Variants in TRAPPC8 observed in about 807,000 individuals in gnomAD.
The protein encoded by TRAPPC8 is general sporulation gene 1 homolog.
In TRAPPC8, 54 loss-of-function variants were observed where a neutral mutation model predicts 174.3. That is an observed-to-expected ratio of 0.31 (90% CI 0.25 to 0.39). The LOEUF is 0.39. Among genes scored for constraint, TRAPPC8 ranks in the 10% least tolerant of loss-of-function variants. TRAPPC8 has a pLI of 1.00. For missense variants in TRAPPC8, 1,531 were observed against 1,699.1 expected (o/e 0.90, Z 1.74); for synonymous variants, 630 against 579.9 (o/e 1.09, Z -1.24).
At chr18:31,940,017 G>C (rs907475060) in intron 1 of TRAPPC8, among the ~76,000 whole-genome samples, 2 of 152,168 alleles carry the variant, frequency 1.3e-5, no homozygotes, top group Non-Finnish European at 2.9e-5. Flanking sequence ...CTGAGTACTT[G>C]AAATGTGACT....
At chr18:31,859,545 T>C (rs200729481) in intron 19 of TRAPPC8, among the ~76,000 whole-genome samples, 2 of 86,224 alleles carry the variant, frequency 2.3e-5, no homozygotes, top group African/African-American at 7.3e-5. Flanking sequence ...AAAAGTGAAA[T>C]AGAGTATTCA....
At chr18:31,870,186 C>G in intron 16 of TRAPPC8, 186 bp downstream of exon 16, 1 of 439,018 alleles carries the variant, frequency 2.3e-6, no homozygotes, top group Non-Finnish European at 4.0e-6. Context: ...GATGGTTTCA[C>G]TTCTATTCCT....
intron 5 of TRAPPC8, among the ~76,000 whole-genome samples, chr18:31,912,643 A>G (rs1402153198): frequency 6.6e-6 from 1 of 152,258 alleles, no homozygotes; most frequent in Admixed American, 6.5e-5. Context: ...CCTTGGCGAC[A>G]GAGCAACACT....
chr18:31,892,242 G>A (rs940784486), intron 11 of TRAPPC8, among the ~76,000 whole-genome samples: 2 of 151,996 alleles, frequency 1.3e-5, no homozygotes, highest in Non-Finnish European at 2.9e-5. Flanking sequence ...TAATAGTGTT[G>A]TGTCATGTCA....
At chr18:31,903,858 CA>C (rs35072678) in intron 9 of TRAPPC8, among the ~76,000 whole-genome samples, 14 of 143,410 alleles carry the variant, frequency 9.8e-5, no homozygotes, top group Admixed American at 1.4e-4. Context: ...AGATCTGTAT[CA>C]AAAAAAAAAA....
At chr18:31,930,855 C>A (rs2037816537) in intron 2 of TRAPPC8, among the ~76,000 whole-genome samples, 1 of 151,796 alleles carries the variant, frequency 6.6e-6, no homozygotes, top group Non-Finnish European at 1.5e-5. Flanking sequence ...AATGAGACCC[C>A]CTATCTCTAT....
Position 31,890,762 on chromosome 18 carries a change from T to G in TRAPPC8, c.1701A>C (p.Ala567=). The change falls in exon 12 of 29, where the codon GCA becomes GCC. Residue 567 remains alanine, a synonymous_variant. Coordinates refer to ENST00000283351, the MANE Select transcript of TRAPPC8 (RefSeq NM_014939.5). ...GCCCTGCTTTACTAAATCGATGGCC[T>G]GCCAATATCATATGAAATGCATATT... The part of the protein sequence containing the change: ...VRKYAFHMIL[A]GHRFSKAGQK... 6.2e-7 allele frequency: 1 copy of G among 1,611,810 alleles called. No individual in the cohort carries two copies. The highest frequency in any genetic ancestry group is 8.5e-7 in the Non-Finnish European group (1 of 1,178,726).
intron 1 of TRAPPC8, among the ~76,000 whole-genome samples, chr18:31,942,322 T>C (rs1170241715): frequency 2.0e-5 from 3 of 152,206 alleles, no homozygotes; most frequent in Admixed American, 2.0e-4. Flanking sequence ...CTCAATGCCG[T>C]TCTCGAAGAC....
chr18:31,849,601 T>C lies in TRAPPC8; in HGVS notation c.3700A>G (p.Ser1234Gly), dbSNP rs764212431. The change falls in exon 25 of 29, where the codon AGT becomes GGT. Residue 1234 changes from serine (S) to glycine (G), a missense_variant. Ser to Gly is a moderately conservative substitution (Grantham distance 56). Coordinates refer to ENST00000283351, the MANE Select transcript of TRAPPC8 (RefSeq NM_014939.5). ...EDAVRLIQKCSEVDLNIVILW... is the reference protein window; with the variant it reads ...EDAVRLIQKCGEVDLNIVILW... ...ATGACAATATTCAAATCTACCTCACTGCATTTTTGAATCAATCTCACAGCA... is the reference window on the plus strand; with the variant it reads ...ATGACAATATTCAAATCTACCTCACCGCATTTTTGAATCAATCTCACAGCA... 4 of 1,611,324 alleles carry C rather than the reference T, an allele frequency of 2.5e-6. No homozygotes were observed. Among genetic ancestry groups the C allele is most frequent in the Non-Finnish European group, 3.4e-6 (4 of 1,179,110 alleles).
chr18:31,940,914 G>C (rs952471673), intron 1 of TRAPPC8, among the ~76,000 whole-genome samples: 22 of 98,792 alleles, frequency 2.2e-4, no homozygotes, highest in Admixed American at 6.4e-4. Flanking sequence ...AGAACACAAT[G>C]TCTTGAGTCA....
chr18:31,885,962 C>T (rs976676868), intron 12 of TRAPPC8, among the ~76,000 whole-genome samples: 27 of 151,652 alleles, frequency 1.8e-4, no homozygotes, highest in African/African-American at 5.6e-4. Context: ...AATTTCTGAA[C>T]GGCGCTTGCA....
At chr18:31,866,197 C>T (rs749108315) in intron 18 of TRAPPC8, among the ~76,000 whole-genome samples, 2 of 152,060 alleles carry the variant, frequency 1.3e-5, no homozygotes, top group Non-Finnish European at 2.9e-5. Context: ...TCATGGTAAA[C>T]TCCCTCTCCT....
chr18:31,874,453 T>A, intron 13 of TRAPPC8, 27 bp downstream of exon 13: 2 of 1,581,328 alleles, frequency 1.3e-6, no homozygotes, highest in South Asian at 2.2e-5. Flanking sequence ...TTTTAATATC[T>A]ATTCCTGAAT....
chr18:31,836,316 A>G (rs1489060503), intron 27 of TRAPPC8, among the ~76,000 whole-genome samples: 1 of 152,112 alleles, frequency 6.6e-6, no homozygotes, highest in Non-Finnish European at 1.5e-5. Flanking sequence ...CAGAGTTTTG[A>G]TTTTGGAATG....
chr18:31,869,689 T>TA (rs2034747307), intron 16 of TRAPPC8, among the ~76,000 whole-genome samples: 1 of 152,144 alleles, frequency 6.6e-6, no homozygotes, highest in African/African-American at 2.4e-5. Context: ...AATAAAATAT[T>TA]AAGACACTTT....
chr18:31,874,018 T>C (rs1025933198), intron 13 of TRAPPC8: 6 of 183,028 alleles, frequency 3.3e-5, no homozygotes, highest in Non-Finnish European at 6.8e-5. Flanking sequence ...AGTGAAACAG[T>C]CCTTCTTCCT....
chr18:31,864,487 T>C (rs1337078202), intron 19 of TRAPPC8, 140 bp downstream of exon 19: 1 of 741,372 alleles, frequency 1.3e-6, no homozygotes, highest in African/African-American at 1.9e-5. Context: ...GTGAATTAAA[T>C]ATATTTAACA....
intron 19 of TRAPPC8, among the ~76,000 whole-genome samples, chr18:31,860,365 T>C (rs934534686): frequency 2.0e-5 from 3 of 152,026 alleles, no homozygotes; most frequent in East Asian, 1.9e-4. Flanking sequence ...ACAGAAACAA[T>C]TGTATTAAAA....
intron 2 of TRAPPC8, among the ~76,000 whole-genome samples, chr18:31,926,876 A>G (rs9635917): frequency 0.33 from 49,670 of 152,122 alleles, 8,626 homozygotes; most frequent in South Asian, 0.57. Flanking sequence ...TGGAAAGGAT[A>G]GACAGTAATT....
Sources: gnomAD v4.1 joint callset for allele counts (sites outside exome capture counted in the v4.1 genomes callset) on GRCh38, gnomAD v4.1.1 for gene constraint, MANE v1.5 for transcripts, NCBI Gene and HGNC (gene_info 2026-07-23, HGNC 2026-07-21) for gene names.